The following PSMD14 variants were observed in gnomAD, a reference collection of about 807,000 sequenced individuals.
PSMD14 encodes the protein proteasome 26S subunit, non-ATPase 14.
A neutral mutation model predicts 41.2 loss-of-function variants in PSMD14; 7 were observed. That is an observed-to-expected ratio of 0.17 (90% confidence interval 0.10 to 0.32). The LOEUF is 0.32. PSMD14 is among the 10% of genes least tolerant of loss of function. PSMD14 has a pLI of 1.00. For synonymous variants in PSMD14, 114 were observed against 122.3 expected, an observed-to-expected ratio of 0.93 and a Z score of 0.45; for missense variants, 139 against 375.6, an observed-to-expected ratio of 0.37 and a Z score of 5.21.
intron 9 of PSMD14, 121 bp from the exon 10 acceptor site, chr2:161,394,957 A>C: frequency 1.1e-6 from 1 of 877,654 alleles, no homozygotes; most frequent in South Asian, 2.0e-5. Flanking sequence ...GTTCATTTGA[A>C]TTAATAAAGT....
At chr2:161,355,415 G>A (rs1683181655) in intron 3 of PSMD14, among the ~76,000 whole-genome samples, 1 of 152,012 alleles carries the variant, frequency 6.6e-6, no homozygotes, top group Non-Finnish European at 1.5e-5. Flanking sequence ...TGTAGTATTT[G>A]TAATATTATA....
At chr2:161,328,836 C>T (rs1051458592) in intron 3 of PSMD14, among the ~76,000 whole-genome samples, 1 of 152,224 alleles carries the variant, frequency 6.6e-6, no homozygotes, top group South Asian at 2.1e-4. Context: ...ATAATGTTCT[C>T]TCTTTAGTAC....
chr2:161,325,741 C>T (rs2105233870), intron 3 of PSMD14, among the ~76,000 whole-genome samples: 1 of 152,176 alleles, frequency 6.6e-6, no homozygotes, highest in Non-Finnish European at 1.5e-5. Context: ...TTTGCTCTAC[C>T]AGATTTCGAA....
intron 10 of PSMD14, among the ~76,000 whole-genome samples, chr2:161,399,752 G>T (rs1045070016): frequency 2.6e-5 from 4 of 152,132 alleles, no homozygotes; most frequent in Admixed American, 2.0e-4. Context: ...ATTTTTTTAG[G>T]AAAATATACC....
intron 9 of PSMD14, among the ~76,000 whole-genome samples, chr2:161,391,815 G>C (rs1683715844): frequency 6.6e-6 from 1 of 151,986 alleles, no homozygotes; most frequent in South Asian, 2.1e-4. Context: ...CTCAGGTTGG[G>C]CTTGAACTCC....
intron 7 of PSMD14, among the ~76,000 whole-genome samples, chr2:161,379,094 G>T (rs1403995688): frequency 2.0e-5 from 3 of 151,922 alleles, no homozygotes; most frequent in Non-Finnish European, 4.4e-5. Context: ...GCCCATCTTT[G>T]TTCTCTAGGG....
intron 3 of PSMD14, among the ~76,000 whole-genome samples, chr2:161,358,779 C>T (rs1458223735): frequency 6.6e-6 from 1 of 152,070 alleles, no homozygotes; most frequent in Non-Finnish European, 1.5e-5. Flanking sequence ...CCCGTCTCCA[C>T]CAAAGATACC....
At chr2:161,342,344 T>TA (rs397870635) in intron 3 of PSMD14, among the ~76,000 whole-genome samples, 1 of 152,190 alleles carries the variant, frequency 6.6e-6, no homozygotes, top group East Asian at 1.9e-4. Context: ...TTTTTTTTTT[T>TA]ATCAGAAGTG....
At chr2:161,330,932 G>A (rs1275714104) in intron 3 of PSMD14, among the ~76,000 whole-genome samples, 1 of 152,122 alleles carries the variant, frequency 6.6e-6, no homozygotes. Context: ...ATTCCCTAGT[G>A]TTGTAAACGG....
At chr2:161,385,375 G>A in intron 7 of PSMD14, 89 bp from the exon 8 acceptor site, 4 of 593,300 alleles carry the variant, frequency 6.7e-6, no homozygotes, top group Non-Finnish European at 1.2e-5. Context: ...TCCAGAAACA[G>A]ATGCACGTCG....
chr2:161,337,499 G>C (rs905612856), intron 3 of PSMD14, among the ~76,000 whole-genome samples: 1 of 152,166 alleles, frequency 6.6e-6, no homozygotes, highest in Non-Finnish European at 1.5e-5. Flanking sequence ...GTTAAGATAG[G>C]ATTAAACCTC....
chr2:161,402,730 C>G (rs910591778), intron 10 of PSMD14, among the ~76,000 whole-genome samples: 2 of 151,458 alleles, frequency 1.3e-5, no homozygotes, highest in African/African-American at 4.8e-5. Context: ...AGAACTCTTG[C>G]AATGCAGCAA....
chr2:161,375,347 G>T (rs1683489221), intron 7 of PSMD14, among the ~76,000 whole-genome samples: 1 of 151,938 alleles, frequency 6.6e-6, no homozygotes. Context: ...TATTAAGTTG[G>T]TTGCTAGAGA....
At chr2:161,318,309 T>G (rs1195829993) in intron 2 of PSMD14, among the ~76,000 whole-genome samples, 2 of 152,166 alleles carry the variant, frequency 1.3e-5, no homozygotes, top group Non-Finnish European at 2.9e-5. Flanking sequence ...AATTCAGAGA[T>G]CCATAATCTG....
At chr2:161,380,698 T>TC (rs1376047362) in intron 7 of PSMD14, among the ~76,000 whole-genome samples, 2 of 152,042 alleles carry the variant, frequency 1.3e-5, no homozygotes, top group Non-Finnish European at 2.9e-5. Flanking sequence ...TCACAGCAAT[T>TC]CAGTGATATG....
At chr2:161,401,897 T>C (rs1683884217) in intron 10 of PSMD14, among the ~76,000 whole-genome samples, 1 of 152,198 alleles carries the variant, frequency 6.6e-6, no homozygotes, top group African/African-American at 2.4e-5. Flanking sequence ...CCAGTGTCAT[T>C]GCTTATTGTG....
chr2:161,404,818 T>A (rs1378865663), intron 10 of PSMD14, among the ~76,000 whole-genome samples: 1 of 152,208 alleles, frequency 6.6e-6, no homozygotes, highest in African/African-American at 2.4e-5. Flanking sequence ...TTCCCCTGAC[T>A]TTTTGGCAAC....
intron 3 of PSMD14, among the ~76,000 whole-genome samples, chr2:161,345,016 A>G (rs895298623): frequency 6.6e-6 from 1 of 151,944 alleles, no homozygotes; most frequent in African/African-American, 2.4e-5. Context: ...TTATTGTTTT[A>G]TCTCTTATAT....
At chr2:161,363,332 A>G (rs1472540965) in intron 3 of PSMD14, among the ~76,000 whole-genome samples, 1 of 152,146 alleles carries the variant, frequency 6.6e-6, no homozygotes, top group East Asian at 1.9e-4. Flanking sequence ...AAAAGTTTTC[A>G]TCTCTAACTT....
Sources: gnomAD v4.1 joint callset for allele counts (sites outside exome capture counted in the v4.1 genomes callset) on GRCh38, gnomAD v4.1.1 for gene constraint, MANE v1.5 for transcripts, NCBI Gene and HGNC (gene_info 2026-07-23, HGNC 2026-07-21) for gene names.